TTL: variants seen among roughly 807,000 people sequenced by gnomAD.
The protein encoded by TTL is tubulin--tyrosine ligase.
TTL carries 10 observed loss-of-function variants against 41.1 expected under a neutral mutation model. The ratio of observed to expected loss-of-function variants is 0.24; its 90% CI spans 0.15 to 0.41. The LOEUF is 0.41. TTL is among the 10% of genes least tolerant of loss of function. The probability of loss-of-function intolerance (pLI) is 1.00; values close to 1 mark genes in which losing one functional copy is unlikely to be tolerated. For synonymous variants in TTL, 175 were observed against 175.5 expected (o/e 1.00, Z 0.02); for missense variants, 367 against 460.4 (o/e 0.80, Z 1.86).
At chr2:112,522,082 C>G (rs1682252606) in intron 6 of TTL, 1 of 152,404 alleles carries the variant, frequency 6.6e-6, no homozygotes. Flanking sequence ...ACATTGTCAC[C>G]TTTTTCCCTC....
Position 112,482,209 on chromosome 2 carries a change from A to T in TTL, c.-136A>T. 2.2e-6 allele frequency: 1 copy of T among 453,398 alleles called. No individual in the cohort carries two copies. Among genetic ancestry groups the T allele is most frequent in the Non-Finnish European group, 2.9e-6 (1 of 349,206 alleles). 28.1% of individuals were successfully genotyped at this position (453,398 alleles called of 1,614,324 possible). On this transcript the variant is annotated 5_prime_UTR_variant, in exon 1 of 7. Transcript: ENST00000233336. This position sits in a 1 kb window ranked among gnomAD's most constrained non-coding sequence, Gnocchi z 5.3. The stretch of plus-strand genomic sequence containing the variant: ...CCGGGCGCGGCGCCGCCGGCACCCG[A>T]GAGGCGCGGTAGCCGGCGCGGGCGG...
chr2:112,500,486 G>T (rs1391754480), intron 3 of TTL, among the ~76,000 whole-genome samples: 1 of 152,100 alleles, frequency 6.6e-6, no homozygotes, highest in Non-Finnish European at 1.5e-5. Flanking sequence ...CAGGAGAATT[G>T]CTTGAACCCA....
intron 5 of TTL, among the ~76,000 whole-genome samples, chr2:112,518,156 A>G (rs1406048636): frequency 7.0e-6 from 1 of 142,372 alleles, no homozygotes; most frequent in South Asian, 2.2e-4. Flanking sequence ...TTTTTTTTTT[A>G]AGTAGAGAGC....
intron 3 of TTL, among the ~76,000 whole-genome samples, chr2:112,500,670 G>A (rs1681668224): frequency 6.6e-6 from 1 of 152,300 alleles, no homozygotes; most frequent in Admixed American, 6.5e-5. Flanking sequence ...ACTTTAAAAG[G>A]ATAAATTTTT....
At chr2:112,485,798 T>C in intron 1 of TTL, 119 bp from the exon 2 acceptor site, 2 of 919,044 alleles carry the variant, frequency 2.2e-6, no homozygotes, top group Non-Finnish European at 3.3e-6. Flanking sequence ...TTGTTCCATT[T>C]TCCATTTTCT....
intron 3 of TTL, among the ~76,000 whole-genome samples, chr2:112,496,659 A>ATG (rs1290401815): frequency 3.3e-5 from 4 of 121,452 alleles, no homozygotes; most frequent in Non-Finnish European, 6.9e-5. Context: ...TTATATATAT[A>ATG]TGTGTCTGTG....
At chr2:112,524,698 T>C (rs1016340897) in intron 6 of TTL, among the ~76,000 whole-genome samples, 2 of 152,250 alleles carry the variant, frequency 1.3e-5, no homozygotes, top group African/African-American at 4.8e-5. Context: ...ATCAGCCCTT[T>C]GTCAGATGGG....
chr2:112,490,417 C>T (rs1681350483), intron 2 of TTL, among the ~76,000 whole-genome samples: 2 of 151,882 alleles, frequency 1.3e-5, no homozygotes, highest in Admixed American at 1.3e-4. Context: ...AACCCTGTCT[C>T]GGATAAACAA....
chr2:112,519,500 G>A (rs947181053), intron 5 of TTL, among the ~76,000 whole-genome samples: 1 of 149,220 alleles, frequency 6.7e-6, no homozygotes, highest in South Asian at 2.1e-4. Flanking sequence ...CTTGTAATTA[G>A]CAATAATTTG....
chr2:112,530,705 G>A lies in TTL; in HGVS notation c.*1910G>A, dbSNP rs1295758782. On this transcript the variant is annotated 3_prime_UTR_variant, in exon 7 of 7. Coordinates refer to ENST00000233336, the MANE Select transcript of TTL (RefSeq NM_153712.5). The stretch of plus-strand genomic sequence containing the variant: ...GGACCCAAATTATAGAGACATTCAC[G>A]AGTTTTCTAGCCCTCACAGTAACAG... The A allele has an allele frequency of 1.9e-5, 4 of 210,242 alleles. No individual in the cohort carries two copies. In the East Asian group the frequency reaches 2.1e-4, roughly 11 times the overall value. 13.0% of individuals were successfully genotyped at this position (210,242 alleles called of 1,614,324 possible).
chr2:112,496,070 CA>C (rs1385135738), intron 3 of TTL, among the ~76,000 whole-genome samples: 1 of 152,126 alleles, frequency 6.6e-6, no homozygotes, highest in African/African-American at 2.4e-5. Context: ...GACCTTTTCT[CA>C]ACTACTGCCC....
At position 112,528,930 on chromosome 2, in the gene TTL, C is replaced by A; in HGVS notation, c.*135C>A. ...CTCGCAAAGATGAGATGGAAGAAGG[C>A]ACGTGAGCAGAGGAGGCAGCTCCCA... On this transcript the variant is annotated 3_prime_UTR_variant, in exon 7 of 7. Coordinates refer to ENST00000233336, the MANE Select transcript of TTL (RefSeq NM_153712.5). The A allele has an allele frequency of 1.4e-6, 1 of 724,738 alleles. No individual in the cohort carries two copies. The allele number at this position is 724,738 out of a possible 1,614,324, so 44.9% of individuals were successfully genotyped here. A position where few individuals can be genotyped will look rare whatever the true frequency, so the allele number is the denominator to read the frequency against.
intron 6 of TTL, 66 bp downstream of exon 6, chr2:112,520,491 G>T: frequency 6.3e-7 from 1 of 1,586,232 alleles, no homozygotes; most frequent in South Asian, 1.1e-5. Context: ...ATAGTCTGTG[G>T]GTACAAGTGT....
rs1682521345 is a variant in TTL, at chr2:112,532,078, T to A, written c.*3283T>A. On this transcript the variant is annotated 3_prime_UTR_variant, in exon 7 of 7. Transcript: ENST00000233336. ...ATGATGTGTCACTAGCTCTGTGGGA[T>A]GATTGCCACATACATGGAACACCTG... 1 of 227,202 alleles carries A rather than the reference T, an allele frequency of 4.4e-6. No homozygotes were observed. The highest frequency in any genetic ancestry group is 6.3e-5 in the East Asian group (1 of 15,792). 14.1% of individuals were successfully genotyped at this position (227,202 alleles called of 1,614,324 possible).
Position 112,518,109 on chromosome 2 carries a change from C to G in TTL, c.876-2173C>G, listed in dbSNP as rs191888886. Among the ~76,000 whole-genome samples the G allele has an allele frequency of 4.9e-3, 749 of 151,338 alleles. 2 individuals carry two copies. The highest frequency in any genetic ancestry group is 7.8e-3 in the Admixed American group (119 of 15,220). ...CTGAGTTGCTGGGTTGCTGGGATTA[C>G]AGGCATGCGCCACCACAGCCAACTA... On this transcript the variant is annotated intron_variant, in intron 5 of 6. Coordinates refer to ENST00000233336, the MANE Select transcript of TTL (RefSeq NM_153712.5).
rs539214014 is a variant in TTL, at chr2:112,536,354, T to C, written c.*7559T>C. 6.6e-6 allele frequency: 1 copy of C among 152,228 alleles called. No individual in the cohort carries two copies. The highest frequency in any genetic ancestry group is 2.4e-5 in the African/African-American group (1 of 41,518). The allele number at this position is 152,228 out of a possible 1,614,324, so 9.4% of individuals were successfully genotyped here. ...CCCTAAGCAGCTGGGATTACAGGCA[T>C]CAGCCAATGCACCTGGCAAAACACA... On this transcript the variant is annotated 3_prime_UTR_variant, in exon 7 of 7. Transcript: ENST00000233336.
In TTL at chr2:112,540,600, G is replaced by C. The variant is rs1682700149; in HGVS notation, c.*11805G>C. The C allele has an allele frequency of 6.6e-6, 1 of 152,190 alleles. No individual in the cohort carries two copies. Among genetic ancestry groups the C allele is most frequent in the African/African-American group, 2.4e-5 (1 of 41,460 alleles). The allele number at this position is 152,190 out of a possible 1,614,324, so 9.4% of individuals were successfully genotyped here. A position where few individuals can be genotyped will look rare whatever the true frequency, so the allele number is the denominator to read the frequency against. On this transcript the variant is annotated 3_prime_UTR_variant, in exon 7 of 7. Transcript: ENST00000233336. ...AAGCTGTATTAATCAAATCTGTGTA[G>C]TTTGTAGACAGATATACAGATAAAT...
In TTL at chr2:112,527,494, C is replaced by T. The variant is rs539947128; in HGVS notation, c.1020-1187C>T. On this transcript the variant is annotated intron_variant, in intron 6 of 6. Coordinates refer to ENST00000233336, the MANE Select transcript of TTL (RefSeq NM_153712.5). ...AGGACTTGCTTTATGAATCTGGGTGCGCCTGTATTGGGTGCATATATATTT... is the reference window on the plus strand; with the variant it reads ...AGGACTTGCTTTATGAATCTGGGTGTGCCTGTATTGGGTGCATATATATTT... 1.9e-4 allele frequency among the ~76,000 whole-genome samples: 29 copies of T among 152,184 alleles called. No individual in the cohort carries two copies. The South Asian group carries it at 2.9e-3, about 15-fold the overall frequency.
Position 112,482,588 on chromosome 2 carries a change from T to A in TTL, c.157+87T>A. On this transcript the variant is annotated intron_variant, in intron 1 of 6. Transcript: ENST00000233336. The surrounding 1 kb of genome is among the most constrained non-coding windows in gnomAD (Gnocchi z 5.3). ...CCGTTAGAACCGGCGCTTTTGTTTT[T>A]AAAGGTCATACATTTTCTCCTCTGT... is the stretch of plus-strand genomic sequence containing the variant. The A allele has an allele frequency of 7.1e-7, 1 of 1,402,480 alleles. No homozygotes were observed. Among genetic ancestry groups the A allele is most frequent in the Non-Finnish European group, 9.5e-7 (1 of 1,056,496 alleles). The allele number at this position is 1,402,480 out of a possible 1,614,324, so 86.9% of individuals were successfully genotyped here.
Sources: allele counts gnomAD v4.1 joint callset (sites outside exome capture counted in the v4.1 genomes callset), GRCh38; gene constraint gnomAD v4.1.1; non-coding constraint Gnocchi (gnomAD v3.1); transcripts MANE v1.5; gene names NCBI Gene and HGNC (gene_info 2026-07-23, HGNC 2026-07-21).